ARHGAP35: variants seen among roughly 807,000 people sequenced by gnomAD.
ARHGAP35 encodes the protein rho GTPase-activating protein 35.
A neutral mutation model predicts 111.1 loss-of-function variants in ARHGAP35; 15 were observed. The observed-to-expected ratio is 0.13, with a 90% CI of 0.09 to 0.21. The LOEUF is 0.21. Ranked by LOEUF, ARHGAP35 falls within the 10% of genes least tolerant of loss-of-function variation. The pLI, the probability that ARHGAP35 is intolerant of heterozygous loss-of-function variation, is 1.00. For missense variants in ARHGAP35, 1,262 were observed against 1,873.0 expected (o/e 0.67, Z 6.02); for synonymous variants, 643 against 710.3 (o/e 0.91, Z 1.51).
At chr19:46,995,461 T>C (rs181070968) in intron 5 of ARHGAP35, among the ~76,000 whole-genome samples, 11 of 152,328 alleles carry the variant, frequency 7.2e-5, no homozygotes, top group African/African-American at 2.4e-4. Context: ...CCCCATCCCC[T>C]GTCCTGTCAG....
At chr19:46,916,217 A>G (rs986541397) in intron 1 of ARHGAP35, among the ~76,000 whole-genome samples, 1 of 151,970 alleles carries the variant, frequency 6.6e-6, no homozygotes. Context: ...TACAGGCGTG[A>G]GCCACCGCGC....
chr19:46,892,289 C>T (rs1418654003), intron 1 of ARHGAP35, among the ~76,000 whole-genome samples: 3 of 141,824 alleles, frequency 2.1e-5, no homozygotes, highest in African/African-American at 5.3e-5. Flanking sequence ...GGCGACAGAG[C>T]GAGACTTTGT....
intron 5 of ARHGAP35, among the ~76,000 whole-genome samples, chr19:46,998,315 G>A (rs1206627352): frequency 2.0e-5 from 3 of 152,188 alleles, no homozygotes; most frequent in African/African-American, 7.2e-5. Context: ...CAGCTGTGAG[G>A]TCGCTGCCAT....
intron 3 of ARHGAP35, 46 bp downstream of exon 3, chr19:46,937,454 G>A: frequency 6.2e-7 from 1 of 1,602,110 alleles, no homozygotes; most frequent in African/African-American, 1.3e-5. Context: ...ACTGTCTACA[G>A]GATGCTTACT....
intron 1 of ARHGAP35, among the ~76,000 whole-genome samples, chr19:46,906,699 G>T (rs2056110246): frequency 6.6e-6 from 1 of 152,166 alleles, no homozygotes; most frequent in Non-Finnish European, 1.5e-5. Flanking sequence ...AGATGCAGTA[G>T]ATAAAATAAA....
intron 1 of ARHGAP35, among the ~76,000 whole-genome samples, chr19:46,876,149 T>A (rs950157662): frequency 2.0e-5 from 3 of 152,094 alleles, no homozygotes; most frequent in Non-Finnish European, 4.4e-5. Flanking sequence ...TTAATATGCT[T>A]ACTGTGTGTC....
intron 1 of ARHGAP35, among the ~76,000 whole-genome samples, chr19:46,874,497 T>C (rs1035367013): frequency 2.8e-5 from 4 of 145,106 alleles, no homozygotes; most frequent in African/African-American, 5.1e-5. Context: ...GTTTTATGTT[T>C]TGTCTTTTTT....
chr19:46,933,829 C>T (rs1426607418), intron 2 of ARHGAP35, among the ~76,000 whole-genome samples: 1 of 152,144 alleles, frequency 6.6e-6, no homozygotes, highest in Non-Finnish European at 1.5e-5. Context: ...TAAAAAAGAA[C>T]TTATGCTAGG....
intron 3 of ARHGAP35, among the ~76,000 whole-genome samples, chr19:46,952,696 C>T (rs910851977): frequency 6.6e-6 from 1 of 152,214 alleles, no homozygotes; most frequent in Non-Finnish European, 1.5e-5. Context: ...TTGTTTGAGA[C>T]AGGGTCTCCC....
At chr19:46,957,125 C>T (rs923086930) in intron 3 of ARHGAP35, among the ~76,000 whole-genome samples, 3 of 152,092 alleles carry the variant, frequency 2.0e-5, no homozygotes, top group African/African-American at 7.2e-5. Context: ...CCACGCCCAA[C>T]TAATTTTTTG....
At chr19:46,885,615 TTCTC>T (rs1382392673) in intron 1 of ARHGAP35, among the ~76,000 whole-genome samples, 1 of 152,162 alleles carries the variant, frequency 6.6e-6, no homozygotes, top group Non-Finnish European at 1.5e-5. Context: ...TGGGAAATGT[TTCTC>T]TCACGGGAAG....
chr19:46,864,908 A>G (rs1013537454), intron 1 of ARHGAP35, among the ~76,000 whole-genome samples: 3 of 152,266 alleles, frequency 2.0e-5, no homozygotes, highest in African/African-American at 7.2e-5. Flanking sequence ...ACAACTGTGT[A>G]TGCAGTACTG....
chr19:46,973,129 G>A (rs770312640), intron 3 of ARHGAP35, among the ~76,000 whole-genome samples: 5 of 150,780 alleles, frequency 3.3e-5, no homozygotes, highest in Non-Finnish European at 4.4e-5. Context: ...TCGGGAGGCC[G>A]AGGCAGGCAG....
intron 1 of ARHGAP35, among the ~76,000 whole-genome samples, chr19:46,864,323 C>T (rs2055844463): frequency 6.6e-6 from 1 of 152,132 alleles, no homozygotes; most frequent in Non-Finnish European, 1.5e-5. Flanking sequence ...CATTTTCCTT[C>T]CTTAACTTGG....
intron 3 of ARHGAP35, among the ~76,000 whole-genome samples, chr19:46,967,346 C>T (rs565588436): frequency 2.6e-5 from 4 of 152,292 alleles, no homozygotes; most frequent in Admixed American, 6.5e-5. Context: ...CCTGAGTCAA[C>T]AGCATGTCCT....
At chr19:46,893,316 T>C (rs758953295) in intron 1 of ARHGAP35, among the ~76,000 whole-genome samples, 2 of 152,080 alleles carry the variant, frequency 1.3e-5, no homozygotes, top group Non-Finnish European at 2.9e-5. Context: ...CTTCAAAAAC[T>C]GTTCGGGTTG....
In ARHGAP35 at chr19:46,895,288, C is replaced by T. The variant is rs369080176; in HGVS notation, c.-188-23200C>T. On this transcript the variant is annotated intron_variant, in intron 1 of 6. Transcript: ENST00000672722. ...ACGCCATTCTCCTGCTTCAGCCTCC[C>T]GAGTAGCTGGGACTACAGGCGCTCA... Among the ~76,000 whole-genome samples the T allele has an allele frequency of 4.3e-3, 649 of 152,050 alleles. 5 individuals carry two copies. The highest frequency in any genetic ancestry group is 0.015 in the African/African-American group (608 of 41,476).
At chr19:46,888,244 A>G (rs1379175689) in intron 1 of ARHGAP35, among the ~76,000 whole-genome samples, 1 of 118,402 alleles carries the variant, frequency 8.4e-6, no homozygotes, top group Non-Finnish European at 1.7e-5. Flanking sequence ...AAGCCACCGC[A>G]CCCGGCCTCA....
At chr19:46,888,829 T>C (rs147234733) in intron 1 of ARHGAP35, among the ~76,000 whole-genome samples, 4,393 of 61,006 alleles carry the variant, frequency 0.072, 137 homozygotes, top group East Asian at 0.25. Context: ...CTGTCTCTAC[T>C]AAAAATACAA....
Sources: allele counts gnomAD v4.1 joint callset (sites outside exome capture counted in the v4.1 genomes callset), GRCh38; gene constraint gnomAD v4.1.1; transcripts MANE v1.5; gene names NCBI Gene and HGNC (gene_info 2026-07-23, HGNC 2026-07-21).